CDH6: variants seen among roughly 807,000 people sequenced by gnomAD.
The protein encoded by CDH6 is cadherin-6.
A neutral mutation model predicts 78.0 loss-of-function variants in CDH6; 31 were observed. That is an observed-to-expected ratio of 0.40 (90% CI 0.30 to 0.54). The LOEUF (loss-of-function observed/expected upper bound fraction) is 0.54, where lower values mean the gene tolerates loss of function less well. Among genes scored for constraint, CDH6 ranks in the 20% least tolerant of loss-of-function variants. The probability of loss-of-function intolerance (pLI) is 0.56; values close to 1 mark genes in which losing one functional copy is unlikely to be tolerated. For synonymous variants in CDH6, 376 were observed against 368.8 expected (o/e 1.02, Z -0.23); for missense variants, 724 against 975.9 (o/e 0.74, Z 3.44).
At chr5:31,272,054 T>C (rs916800348) in intron 2 of CDH6, among the ~76,000 whole-genome samples, 1 of 152,150 alleles carries the variant, frequency 6.6e-6, no homozygotes, top group Non-Finnish European at 1.5e-5. Flanking sequence ...CAAAGTGTTA[T>C]CAAAATAAAA....
intron 2 of CDH6, among the ~76,000 whole-genome samples, chr5:31,284,725 C>G (rs1457348513): frequency 2.0e-5 from 3 of 152,170 alleles, no homozygotes; most frequent in Non-Finnish European, 4.4e-5. Flanking sequence ...CACTGGAGAG[C>G]AAAGGTCATG....
At chr5:31,234,060 A>G (rs1286704917) in intron 1 of CDH6, among the ~76,000 whole-genome samples, 8 of 151,778 alleles carry the variant, frequency 5.3e-5, no homozygotes, top group Admixed American at 3.3e-4. Context: ...CATTTTTTTC[A>G]TAATGTTTTT....
At chr5:31,318,049 A>G (rs770558555) in intron 11 of CDH6, 125 bp downstream of exon 11, 57 of 1,138,720 alleles carry the variant, frequency 5.0e-5, no homozygotes, top group Non-Finnish European at 7.2e-5. Flanking sequence ...GTCGAGTTAC[A>G]TACTGAGAAT....
chr5:31,257,373 CG>C (rs1742086040), intron 1 of CDH6, among the ~76,000 whole-genome samples: 1 of 151,732 alleles, frequency 6.6e-6, no homozygotes, highest in African/African-American at 2.4e-5. Context: ...CCGTGTTAGC[CG>C]GGATGGTCCC....
intron 2 of CDH6, among the ~76,000 whole-genome samples, chr5:31,281,078 A>G (rs1341315415): frequency 1.3e-5 from 2 of 152,192 alleles, no homozygotes; most frequent in Admixed American, 6.6e-5. Flanking sequence ...TTTGTCTTAT[A>G]GAGATACATA....
chr5:31,227,120 C>T (rs560848470), intron 1 of CDH6, among the ~76,000 whole-genome samples: 1 of 152,286 alleles, frequency 6.6e-6, no homozygotes, highest in South Asian at 2.1e-4. Flanking sequence ...ATCTCCCTGC[C>T]TAGCTGATGC....
intron 2 of CDH6, among the ~76,000 whole-genome samples, chr5:31,284,176 ATAAAACTCAC>A (rs1245486584): frequency 6.6e-6 from 1 of 152,206 alleles, no homozygotes. Flanking sequence ...GCCAACCAAA[ATAAAACTCAC>A]TAATTCCATG....
Position 31,302,156 on chromosome 5 carries a change from C to A in CDH6, c.857C>A (p.Pro286Gln). 1 of 1,613,810 alleles carries A rather than the reference C, an allele frequency of 6.2e-7. No homozygotes were observed. The highest frequency in any genetic ancestry group is 8.5e-7 in the Non-Finnish European group (1 of 1,179,826). ...KTPESSPPGTPIGRIKASDAD... is the reference protein window; with the variant it reads ...KTPESSPPGTQIGRIKASDAD... ...CCTGAATCTTCTCCACCGGGGACAC[C>A]AATTGGCAGAATCAAAGCCAGCGAC... The change falls in exon 6 of 12, where the codon CCA (proline) becomes CAA (glutamine). Residue 286 changes from proline (P) to glutamine (Q), a missense_variant. Physicochemically the swap from Pro to Gln is moderately conservative, Grantham distance 76. This residue lies in a region of CDH6 where 446 missense variants were observed against 684.5 expected (regional missense o/e 0.65). Transcript: ENST00000265071.
In CDH6 at chr5:31,317,804, G is replaced by A. The variant is rs765834938; in HGVS notation, c.1762G>A (p.Val588Ile). 7 of 1,614,072 alleles carry A rather than the reference G, an allele frequency of 4.3e-6. No homozygotes were observed. In the African/African-American group the frequency reaches 5.3e-5, roughly 12 times the overall value. ...CAGCACTGGGACAGTGACTGTCCGG[G>A]TCTGTGCATGTGACCACCACGGGAA... is the stretch of plus-strand genomic sequence containing the variant. ...QSSTGTVTVR[V>I]CACDHHGNMQ... The change falls in exon 11 of 12, where the codon GTC becomes ATC. Residue 588 changes from valine to isoleucine, a missense_variant. This residue lies in a region of CDH6 where 446 missense variants were observed against 684.5 expected (regional missense o/e 0.65). Transcript: ENST00000265071.
chr5:31,229,135 T>C (rs1741245095), intron 1 of CDH6, among the ~76,000 whole-genome samples: 1 of 152,196 alleles, frequency 6.6e-6, no homozygotes, highest in African/African-American at 2.4e-5. Flanking sequence ...TTATTTAATC[T>C]ACAACACAGC....
At chr5:31,286,039 A>G (rs1743004541) in intron 2 of CDH6, among the ~76,000 whole-genome samples, 1 of 152,220 alleles carries the variant, frequency 6.6e-6, no homozygotes, top group South Asian at 2.1e-4. Flanking sequence ...GGACACTAAG[A>G]TTTATTGAGT....
At chr5:31,224,360 C>G (rs149044017) in intron 1 of CDH6, among the ~76,000 whole-genome samples, 2 of 152,308 alleles carry the variant, frequency 1.3e-5, no homozygotes, top group East Asian at 3.9e-4. Flanking sequence ...TGTGGGAATT[C>G]AAGATGAGAT....
intron 1 of CDH6, among the ~76,000 whole-genome samples, chr5:31,238,094 C>G (rs1741500025): frequency 6.6e-6 from 1 of 152,208 alleles, no homozygotes; most frequent in South Asian, 2.1e-4. Context: ...TTAGGACCAT[C>G]TAAATCTTTG....
At chr5:31,261,010 G>A (rs1742197938) in intron 1 of CDH6, among the ~76,000 whole-genome samples, 1 of 152,078 alleles carries the variant, frequency 6.6e-6, no homozygotes, top group Admixed American at 6.5e-5. Flanking sequence ...TCAAAACAAA[G>A]TTTCTTGGGT....
rs921075064 is a variant in CDH6, at chr5:31,297,471, A to G, written c.643+63A>G. The G allele has an allele frequency of 1.2e-5, 15 of 1,243,928 alleles. No individual in the cohort carries two copies. The African/African-American group carries it at 2.1e-4, about 18-fold the overall frequency. The allele number at this position is 1,243,928 out of a possible 1,614,324, so 77.1% of individuals were successfully genotyped here. On this transcript the variant is annotated intron_variant, in intron 4 of 11. Transcript: ENST00000265071. ...TTTAATTGACATGCTCAGCTGAGCTAGCATATTTTTAATAAAAATAATCAA... is the reference window on the plus strand; with the variant it reads ...TTTAATTGACATGCTCAGCTGAGCTGGCATATTTTTAATAAAAATAATCAA...
rs75685627 is a variant in CDH6 at position 31,303,757 on chromosome 5, T to G, written c.1000-1417T>G. Among the ~76,000 whole-genome samples, 886 of 152,134 alleles carry G rather than the reference T, an allele frequency of 5.8e-3. 4 individuals carry two copies. The highest frequency in any genetic ancestry group is 0.011 in the Non-Finnish European group (725 of 68,020). ...TCGGTGGATGTAAATAACAAGAGATTTTTTTTTCCTCCCAAGCTTTGGATT... is the reference window on the plus strand; with the variant it reads ...TCGGTGGATGTAAATAACAAGAGATGTTTTTTTCCTCCCAAGCTTTGGATT... On this transcript the variant is annotated intron_variant, in intron 6 of 11. Coordinates refer to ENST00000265071, the MANE Select transcript of CDH6 (RefSeq NM_004932.4).
intron 2 of CDH6, among the ~76,000 whole-genome samples, chr5:31,276,994 G>T (rs772818763): frequency 7.9e-5 from 12 of 152,148 alleles, no homozygotes; most frequent in Admixed American, 2.0e-4. Context: ...AGAAAGAAGA[G>T]CCAAAGGTGA....
intron 1 of CDH6, among the ~76,000 whole-genome samples, chr5:31,261,363 A>C (rs1207166432): frequency 6.6e-6 from 1 of 152,198 alleles, no homozygotes; most frequent in Non-Finnish European, 1.5e-5. Flanking sequence ...ACCAAAAAGT[A>C]ATAAGGTATT....
Position 31,317,887 on chromosome 5 carries a change from T to G in CDH6, c.1845T>G (p.Ala615=). Residue 615 remains alanine, a synonymous_variant, in exon 11 of 12, where the codon GCT becomes GCG. Transcript: ENST00000265071. ...LIHPTGLSTG[A]LVAILLCIVI... ...ACCCCACGGGACTGAGCACGGGGGCTCTGGTTGCCATCCTTCTGTGCATCG... is the reference window on the plus strand; with the variant it reads ...ACCCCACGGGACTGAGCACGGGGGCGCTGGTTGCCATCCTTCTGTGCATCG... The G allele has an allele frequency of 6.2e-7, 1 of 1,613,992 alleles. No homozygotes were observed. Among genetic ancestry groups the G allele is most frequent in the Non-Finnish European group, 8.5e-7 (1 of 1,180,034 alleles).
Sources: allele counts gnomAD v4.1 joint callset (sites outside exome capture counted in the v4.1 genomes callset), GRCh38; gene constraint gnomAD v4.1.1; regional missense constraint gnomAD v4.1.1; transcripts MANE v1.5; gene names NCBI Gene and HGNC (gene_info 2026-07-23, HGNC 2026-07-21).